The following DST variants were observed in gnomAD, a reference collection of about 807,000 sequenced individuals.
The protein encoded by DST is bullous pemphigoid antigen.
DST carries 253 observed loss-of-function variants against 875.2 expected under a neutral mutation model. The ratio of observed to expected loss-of-function variants is 0.29; its 90% CI spans 0.26 to 0.32. The LOEUF (loss-of-function observed/expected upper bound fraction) is 0.32, where lower values mean the gene tolerates loss of function less well. DST is among the 10% of genes least tolerant of loss of function. The pLI, the probability that DST is intolerant of heterozygous loss-of-function variation, is 1.00. For missense variants in DST, 8,287 were observed against 9,111.6 expected, an observed-to-expected ratio of 0.91 and a Z score of 3.68; for synonymous variants, 3,124 against 3,197.1, an observed-to-expected ratio of 0.98 and a Z score of 0.77.
intron 4 of DST, among the ~76,000 whole-genome samples, chr6:56,769,378 T>C (rs1330284120): frequency 6.6e-6 from 1 of 152,188 alleles, no homozygotes; most frequent in Non-Finnish European, 1.5e-5. Flanking sequence ...TTGAGTTGTT[T>C]CTTACAAAGC....
At chr6:56,857,302 G>C (rs760392620) in intron 3 of DST, among the ~76,000 whole-genome samples, 1 of 152,182 alleles carries the variant, frequency 6.6e-6, no homozygotes, top group Non-Finnish European at 1.5e-5. Context: ...ACAAGCATGA[G>C]CCATTGCGCA....
intron 5 of DST, among the ~76,000 whole-genome samples, chr6:56,711,278 G>A (rs1285516846): frequency 6.6e-6 from 1 of 152,004 alleles, no homozygotes; most frequent in Non-Finnish European, 1.5e-5. Context: ...TTTCACCTAG[G>A]TATTTTTTAT....
chr6:56,850,143 C>T (rs558807293), intron 4 of DST, among the ~76,000 whole-genome samples: 15 of 152,318 alleles, frequency 9.8e-5, no homozygotes, highest in African/African-American at 3.6e-4. Context: ...TCCCCTTTCT[C>T]ACTCCACCCC....
chr6:56,627,632 C>T (rs1422887306), intron 33 of DST, among the ~76,000 whole-genome samples: 2 of 152,118 alleles, frequency 1.3e-5, no homozygotes, highest in East Asian at 1.9e-4. Context: ...AACTTTCTGT[C>T]AAATGTGGTA....
At chr6:56,581,747 T>G (rs1390369455) in intron 49 of DST, among the ~76,000 whole-genome samples, 2 of 152,246 alleles carry the variant, frequency 1.3e-5, no homozygotes, top group Non-Finnish European at 2.9e-5. Context: ...CAGTTGTAGA[T>G]GTGAACTCAT....
chr6:56,473,321 G>A (rs935918827), intron 93 of DST, among the ~76,000 whole-genome samples: 5 of 152,106 alleles, frequency 3.3e-5, no homozygotes, highest in East Asian at 1.9e-4. Context: ...ATTCAGAAAC[G>A]CATAAAACAT....
chr6:56,628,179 G>A lies in DST; in HGVS notation c.4476-18C>T, dbSNP rs764108832. On this transcript the variant is annotated intron_variant, in intron 32 of 103. Transcript: ENST00000680361. The stretch of plus-strand genomic sequence containing the variant: ...CCCGTAACCTAAGAGAATAGTAACC[G>A]AATAGTCACGGTGTCCAGCGATATC... 1.5e-5 allele frequency: 24 copies of A among 1,609,568 alleles called. No homozygotes were observed. The South Asian group carries it at 1.6e-4, about 11-fold the overall frequency.
intron 4 of DST, among the ~76,000 whole-genome samples, chr6:56,758,919 A>G (rs2099610606): frequency 6.6e-6 from 1 of 152,172 alleles, no homozygotes; most frequent in East Asian, 1.9e-4. Flanking sequence ...ATTCAACCAG[A>G]GTGCACAATG....
rs983521814 is a variant in DST at position 56,497,277 on chromosome 6, T to G, written c.20223+102A>C. 158 of 1,354,662 alleles carry G rather than the reference T, an allele frequency of 1.2e-4. 1 individual carries two copies. Among genetic ancestry groups the G allele is most frequent in the Admixed American group, 1.7e-4 (8 of 48,400 alleles). 83.9% of individuals were successfully genotyped at this position (1,354,662 alleles called of 1,614,324 possible). On this transcript the variant is annotated intron_variant, in intron 82 of 103. Coordinates refer to ENST00000680361, the MANE Select transcript of DST (RefSeq NM_001374736.1). ...ACACAGTGATTTCTGCCATAAACTA[T>G]ATCTTTAAAGCCTTCTCCCACGATT...
intron 3 of DST, among the ~76,000 whole-genome samples, chr6:56,890,775 T>C (rs947702017): frequency 6.6e-6 from 1 of 152,236 alleles, no homozygotes; most frequent in African/African-American, 2.4e-5. Context: ...TCACGCTTTC[T>C]GACTCATCTC....
intron 4 of DST, among the ~76,000 whole-genome samples, chr6:56,780,674 G>T (rs1334395541): frequency 3.3e-5 from 5 of 151,340 alleles, no homozygotes; most frequent in Admixed American, 3.3e-4. Context: ...CATTTTGTAG[G>T]TTGCCTGTTC....
intron 61 of DST, chr6:56,540,413 G>A (rs1273619392): frequency 6.6e-6 from 1 of 152,554 alleles, no homozygotes; most frequent in East Asian, 1.9e-4. Context: ...GCTCTCCTGG[G>A]CAGAAAGAGG....
chr6:56,819,671 G>A (rs926678755), intron 4 of DST, among the ~76,000 whole-genome samples: 4 of 152,222 alleles, frequency 2.6e-5, no homozygotes, highest in African/African-American at 9.6e-5. Context: ...AAATATTTAT[G>A]TACTTTATTA....
chr6:56,829,518 G>GA (rs1449750249), intron 4 of DST, among the ~76,000 whole-genome samples: 8 of 152,142 alleles, frequency 5.3e-5, no homozygotes, highest in Admixed American at 5.2e-4. Context: ...CAAAAGGCTG[G>GA]AAGGCATTTT....
Position 56,514,578 on chromosome 6 carries a change from T to TAC in DST, c.18576+870_18576+871dup, listed in dbSNP as rs766261479. On this transcript the variant is annotated intron_variant, in intron 72 of 103. Coordinates refer to ENST00000680361, the MANE Select transcript of DST (RefSeq NM_001374736.1). The stretch of plus-strand genomic sequence containing the variant: ...TCCTTCTCTCTTGGGCACAGGCGTA[T>TAC]ACACACACACACACACACACACACA... Among the ~76,000 whole-genome samples, 1,222 of 145,114 alleles carry TAC rather than the reference T, an allele frequency of 8.4e-3. 8 individuals carry two copies. Among genetic ancestry groups the TAC allele is most frequent in the South Asian group, 0.024 (105 of 4,422 alleles).
rs748299748 is a variant in DST at position 56,604,438 on chromosome 6, T to C, written c.10190A>G (p.Gln3397Arg). The C allele has an allele frequency of 2.5e-6, 4 of 1,609,278 alleles. No homozygotes were observed. In the African/African-American group the frequency reaches 4.0e-5, roughly 16 times the overall value. The change falls in exon 40 of 104, where the codon CAG (glutamine) becomes CGG (arginine). Residue 3397 changes from glutamine to arginine, a missense_variant. By Grantham distance (43) the Gln-to-Arg change is conservative. Coordinates refer to ENST00000680361, the MANE Select transcript of DST (RefSeq NM_001374736.1). Reference sequence around the variant, plus strand: ...CACAGTAGATGCCTCATTTACCAACTGTGATGTGGTAATCCTTTTAATTAA... The same window carrying C: ...CACAGTAGATGCCTCATTTACCAACCGTGATGTGGTAATCCTTTTAATTAA... Reference protein sequence around the residue: ...QNLIKRITTSQLVNEASTVPS... With the variant: ...QNLIKRITTSRLVNEASTVPS...
chr6:56,602,338 T>C (rs1050858373), intron 43 of DST, among the ~76,000 whole-genome samples: 1 of 151,932 alleles, frequency 6.6e-6, no homozygotes, highest in Non-Finnish European at 1.5e-5. Context: ...AACCACTGTG[T>C]CACAATTGCC....
At chr6:56,757,075 G>A (rs751044562) in intron 4 of DST, among the ~76,000 whole-genome samples, 37 of 152,142 alleles carry the variant, frequency 2.4e-4, no homozygotes, top group Non-Finnish European at 4.3e-4. Flanking sequence ...CAAAGGAACA[G>A]AGATGGTTCC....
chr6:56,511,227 T>C lies in DST; in HGVS notation c.18750A>G (p.Ala6250=), dbSNP rs748163345. 30 of 1,589,164 alleles carry C rather than the reference T, an allele frequency of 1.9e-5. No individual in the cohort carries two copies. The highest frequency in any genetic ancestry group is 2.4e-5 in the Non-Finnish European group (28 of 1,166,370). ...IKEDVKKRAV[A]LDEAISQSTQ... is the part of the protein sequence containing the mutation. Reference sequence around the variant, plus strand: ...TTGATTGAGAAATGGCTTCATCCAGTGCCACAGCACGCTTTTTGACATCTT... The same window carrying C: ...TTGATTGAGAAATGGCTTCATCCAGCGCCACAGCACGCTTTTTGACATCTT... Residue 6250 remains alanine (A), a synonymous_variant, in exon 73 of 104, where the codon GCA becomes GCG. Transcript: ENST00000680361.
Sources: gnomAD v4.1 joint callset for allele counts (sites outside exome capture counted in the v4.1 genomes callset) on GRCh38, gnomAD v4.1.1 for gene constraint, MANE v1.5 for transcripts, NCBI Gene and HGNC (gene_info 2026-07-23, HGNC 2026-07-21) for gene names.